The following CDK14 variants were observed in gnomAD, a reference collection of about 807,000 sequenced individuals.
CDK14 encodes cyclin-dependent kinase 14.
CDK14 carries 34 observed loss-of-function variants against 60.7 expected under a neutral mutation model. The observed-to-expected ratio is 0.56, with a 90% CI of 0.43 to 0.75. CDK14 has a LOEUF of 0.75. CDK14 is among the 30% of genes least tolerant of loss of function. The pLI, the probability that CDK14 is intolerant of heterozygous loss-of-function variation, is 0.00. For synonymous variants in CDK14, 197 were observed against 203.7 expected, an observed-to-expected ratio of 0.97 and a Z score of 0.28; for missense variants, 482 against 564.1, an observed-to-expected ratio of 0.85 and a Z score of 1.47.
chr7:91,084,341 G>C (rs1406135275), intron 12 of CDK14, among the ~76,000 whole-genome samples: 1 of 152,222 alleles, frequency 6.6e-6, no homozygotes, highest in East Asian at 1.9e-4. Context: ...ACAGAAGCCT[G>C]ACTTCCTCTG....
At chr7:90,775,448 G>GA (rs3842181) in intron 4 of CDK14, among the ~76,000 whole-genome samples, 65,828 of 151,454 alleles carry the variant, frequency 0.43, 15,083 homozygotes, top group East Asian at 0.82. Flanking sequence ...GTTTCTGTGG[G>GA]AAAAAAAAGC....
chr7:91,088,276 AACTGGCCTTTTTCTTTTAGAC>A (rs1798696449), intron 12 of CDK14, among the ~76,000 whole-genome samples: 1 of 152,230 alleles, frequency 6.6e-6, no homozygotes, highest in Admixed American at 6.5e-5. Flanking sequence ...TTCTGAAAGT[AACTGGCCTTTTTCTTTTAGAC>A]ACTGAGCCAC....
intron 9 of CDK14, among the ~76,000 whole-genome samples, chr7:90,957,642 C>A (rs1311912302): frequency 1.3e-5 from 2 of 152,058 alleles, no homozygotes; most frequent in African/African-American, 2.4e-5. Context: ...ATCCAACTTA[C>A]AAGGGATGTG....
chr7:90,683,458 AG>A (rs1330827338), intron 2 of CDK14, among the ~76,000 whole-genome samples: 1 of 152,158 alleles, frequency 6.6e-6, no homozygotes, highest in Non-Finnish European at 1.5e-5. Flanking sequence ...TTTGTGCTTC[AG>A]CATTTCCCCA....
intron 2 of CDK14, among the ~76,000 whole-genome samples, chr7:90,685,681 G>T: frequency 7.9e-6 from 1 of 127,314 alleles, no homozygotes. Flanking sequence ...TTTTTGTAGA[G>T]ATGAGGTCTT....
rs966558790 is a variant in CDK14, at chr7:90,638,490, C to T, written c.123+34241C>T. Among the ~76,000 whole-genome samples the T allele has an allele frequency of 5.3e-5, 8 of 152,140 alleles. No individual in the cohort carries two copies. In the East Asian group the frequency reaches 5.8e-4, roughly 11 times the overall value. The stretch of plus-strand genomic sequence containing the variant: ...CTCTTCTGGCTTTTAGAGTTTCTGC[C>T]GAGAGATCCGCTGTTAGTCTGATGG... On this transcript the variant is annotated intron_variant, in intron 2 of 14. Coordinates refer to ENST00000380050, the MANE Select transcript of CDK14 (RefSeq NM_001287135.2).
At chr7:90,629,400 A>C (rs1275985848) in intron 2 of CDK14, among the ~76,000 whole-genome samples, 1 of 152,152 alleles carries the variant, frequency 6.6e-6, no homozygotes, top group East Asian at 1.9e-4. Flanking sequence ...CTGTATTTTT[A>C]ATCACTTTGT....
At chr7:90,770,874 G>A (rs1192943639) in intron 4 of CDK14, among the ~76,000 whole-genome samples, 2 of 152,092 alleles carry the variant, frequency 1.3e-5, no homozygotes, top group Non-Finnish European at 2.9e-5. Flanking sequence ...ACTTTGTCAG[G>A]CTCCTCCAGG....
chr7:90,681,976 A>T (rs1801327175), intron 2 of CDK14, among the ~76,000 whole-genome samples: 1 of 152,192 alleles, frequency 6.6e-6, no homozygotes, highest in South Asian at 2.1e-4. Context: ...TATTTTTATG[A>T]TTCACCATTT....
intron 2 of CDK14, among the ~76,000 whole-genome samples, chr7:90,711,882 A>T (rs1584811217): frequency 1.8e-5 from 2 of 110,816 alleles, no homozygotes; most frequent in Admixed American, 1.0e-4. Context: ...ATAGTCTACT[A>T]TGTTTTTTTT....
intron 12 of CDK14, among the ~76,000 whole-genome samples, chr7:91,106,432 CA>C (rs1262814478): frequency 1.3e-5 from 2 of 151,468 alleles, no homozygotes; most frequent in Non-Finnish European, 2.9e-5. Flanking sequence ...ATTTCTGGCA[CA>C]AAAAAATAAT....
At chr7:90,975,960 T>C (rs767879403) in intron 9 of CDK14, among the ~76,000 whole-genome samples, 9 of 152,164 alleles carry the variant, frequency 5.9e-5, no homozygotes, top group African/African-American at 9.7e-5. Context: ...CCTAGCTTCA[T>C]TTCCTATCTT....
At chr7:90,618,378 G>T (rs1799696146) in intron 2 of CDK14, among the ~76,000 whole-genome samples, 2 of 151,838 alleles carry the variant, frequency 1.3e-5, no homozygotes, top group Admixed American at 6.6e-5. Context: ...CAATTCACTG[G>T]ATTTTCTTCT....
At chr7:90,821,459 C>T (rs1562786407) in intron 5 of CDK14, among the ~76,000 whole-genome samples, 2 of 152,188 alleles carry the variant, frequency 1.3e-5, no homozygotes, top group Admixed American at 1.3e-4. Context: ...GTTCGTGTGG[C>T]TGTCCTTTGC....
At chr7:90,962,732 A>G (rs912592508) in intron 9 of CDK14, among the ~76,000 whole-genome samples, 3 of 152,186 alleles carry the variant, frequency 2.0e-5, no homozygotes, top group African/African-American at 7.2e-5. Context: ...CTATCCACAA[A>G]CTGGTTTTGG....
intron 2 of CDK14, among the ~76,000 whole-genome samples, chr7:90,698,067 CA>C (rs71104484): frequency 7.8e-4 from 59 of 75,728 alleles, no homozygotes; most frequent in African/African-American, 2.2e-3. Flanking sequence ...GACTCTGTCT[CA>C]AAAAAAAAAA....
At chr7:90,860,890 G>A (rs1214194558) in intron 5 of CDK14, among the ~76,000 whole-genome samples, 4 of 152,130 alleles carry the variant, frequency 2.6e-5, no homozygotes, top group African/African-American at 4.8e-5. Context: ...AGTTTAAGAG[G>A]TAAAGCCAGC....
intron 7 of CDK14, among the ~76,000 whole-genome samples, chr7:90,902,160 AT>A (rs1792528563): frequency 2.0e-5 from 3 of 152,080 alleles, no homozygotes; most frequent in Admixed American, 2.0e-4. Flanking sequence ...TATTATTAAA[AT>A]ACCATTCTAC....
At chr7:90,930,837 T>C (rs1793570629) in intron 8 of CDK14, among the ~76,000 whole-genome samples, 1 of 152,178 alleles carries the variant, frequency 6.6e-6, no homozygotes, top group South Asian at 2.1e-4. Flanking sequence ...CTCTTTAATG[T>C]GAGAGCATTG....
Sources: gnomAD v4.1 joint callset for allele counts (sites outside exome capture counted in the v4.1 genomes callset) on GRCh38, gnomAD v4.1.1 for gene constraint, MANE v1.5 for transcripts, NCBI Gene and HGNC (gene_info 2026-07-23, HGNC 2026-07-21) for gene names.